The following EPB41L4A variants were observed in gnomAD, a reference collection of about 807,000 sequenced individuals.
EPB41L4A encodes band 4.1-like protein 4A.
A neutral mutation model predicts 108.6 loss-of-function variants in EPB41L4A; 100 were observed. The observed-to-expected ratio is 0.92, with a 90% CI of 0.78 to 1.09. The LOEUF is 1.09. EPB41L4A is among the 50% of genes least tolerant of loss of function. The pLI is 0.00. For missense variants in EPB41L4A, 1,030 were observed against 842.7 expected (o/e 1.22, Z -2.75); for synonymous variants, 319 against 289.0 (o/e 1.10, Z -1.05).
In EPB41L4A at chr5:112,164,397, T is replaced by C. The variant is rs1760101415; in HGVS notation, c.*593A>G. The C allele has an allele frequency of 6.6e-6, 1 of 152,206 alleles. No homozygotes were observed. Among genetic ancestry groups the C allele is most frequent in the East Asian group, 1.9e-4 (1 of 5,200 alleles). 9.4% of individuals were successfully genotyped at this position (152,206 alleles called of 1,614,324 possible). On this transcript the variant is annotated 3_prime_UTR_variant, in exon 23 of 23. Coordinates refer to ENST00000261486, the MANE Select transcript of EPB41L4A (RefSeq NM_022140.5). ...GCTGCAGTTCAGAATTCCAGAATGT[T>C]CATCAGATGCATCTGGTCTTGGTTG...
chr5:112,415,075 A>G (rs73218321), intron 1 of EPB41L4A, among the ~76,000 whole-genome samples: 8,432 of 152,196 alleles, frequency 0.055, 725 homozygotes, highest in African/African-American at 0.18. Context: ...TTTTTTCCCA[A>G]TCTTCTGGGA....
intron 9 of EPB41L4A, among the ~76,000 whole-genome samples, chr5:112,246,044 G>A (rs567300321): frequency 6.6e-6 from 1 of 152,302 alleles, no homozygotes; most frequent in African/African-American, 2.4e-5. Flanking sequence ...TTCAGAAAGT[G>A]TTTTCCTTAG....
chr5:112,378,338 C>G (rs1339141883), intron 1 of EPB41L4A, among the ~76,000 whole-genome samples: 1 of 152,126 alleles, frequency 6.6e-6, no homozygotes, highest in Non-Finnish European at 1.5e-5. Context: ...TTACCTAGAG[C>G]AGAGAGTAGT....
intron 12 of EPB41L4A, among the ~76,000 whole-genome samples, chr5:112,233,193 A>G (rs1285862956): frequency 6.6e-6 from 1 of 152,242 alleles, no homozygotes; most frequent in East Asian, 1.9e-4. Flanking sequence ...AAAAAAAGAC[A>G]TACTATGATC....
chr5:112,378,791 T>C (rs567144909), intron 1 of EPB41L4A, among the ~76,000 whole-genome samples: 3 of 152,332 alleles, frequency 2.0e-5, no homozygotes, highest in African/African-American at 7.2e-5. Flanking sequence ...CAACTGAACA[T>C]ACAGTCGTTA....
rs560707935 is a variant in EPB41L4A at position 112,379,130 on chromosome 5, G to T, written c.99+39811C>A. Among the ~76,000 whole-genome samples, 4 of 152,250 alleles carry T rather than the reference G, an allele frequency of 2.6e-5. No individual in the cohort carries two copies. In the South Asian group the frequency reaches 8.3e-4, roughly 32 times the overall value. The stretch of plus-strand genomic sequence containing the variant: ...CTCATTCCAAGAGGCGAGCACCCTG[G>T]GGGGGTCAAGCTAGCCCACTGGCTT... On this transcript the variant is annotated intron_variant, in intron 1 of 22. Transcript: ENST00000261486.
chr5:112,288,018 C>G (rs1291157959), intron 2 of EPB41L4A, among the ~76,000 whole-genome samples: 2 of 152,150 alleles, frequency 1.3e-5, no homozygotes, highest in East Asian at 1.9e-4. Flanking sequence ...CTAGTCCTAT[C>G]AGAAGGCAAA....
chr5:112,264,807 G>T, intron 6 of EPB41L4A, 89 bp downstream of exon 6: 4 of 1,320,954 alleles, frequency 3.0e-6, no homozygotes, highest in Non-Finnish European at 4.1e-6. Context: ...CACAGGTGAA[G>T]AATTTATCAT....
chr5:112,391,624 T>C (rs551896005), intron 1 of EPB41L4A, among the ~76,000 whole-genome samples: 8 of 152,166 alleles, frequency 5.3e-5, no homozygotes, highest in Admixed American at 1.3e-4. Flanking sequence ...CTGAAAGCGA[T>C]GGGGAGAATG....
chr5:112,389,644 G>A (rs1220102557), intron 1 of EPB41L4A, among the ~76,000 whole-genome samples: 3 of 152,066 alleles, frequency 2.0e-5, no homozygotes, highest in African/African-American at 7.2e-5. Context: ...TGTTGTTTCT[G>A]CCTTCTTTAG....
Position 112,225,503 on chromosome 5 carries a change from T to G in EPB41L4A, c.1087+9131A>C, listed in dbSNP as rs568877763. 1.1e-4 allele frequency among the ~76,000 whole-genome samples: 17 copies of G among 152,362 alleles called. No homozygotes were observed. The South Asian group carries it at 3.5e-3, about 32-fold the overall frequency. On this transcript the variant is annotated intron_variant, in intron 12 of 22. Coordinates refer to ENST00000261486, the MANE Select transcript of EPB41L4A (RefSeq NM_022140.5). ...TGTGGATGAGCATTTGTGAACTTCA[T>G]GCATTCATGACAGTAATCTGTAGGG...
At chr5:112,318,677 T>C (rs1367715591) in intron 1 of EPB41L4A, among the ~76,000 whole-genome samples, 1 of 152,216 alleles carries the variant, frequency 6.6e-6, no homozygotes, top group Non-Finnish European at 1.5e-5. Context: ...TAATAGCTGC[T>C]GTTTCAAGCC....
chr5:112,307,745 G>A (rs1754790374), intron 1 of EPB41L4A, among the ~76,000 whole-genome samples: 1 of 151,776 alleles, frequency 6.6e-6, no homozygotes, highest in South Asian at 2.1e-4. Flanking sequence ...TCTTTCTTCT[G>A]GGATTATAAA....
At chr5:112,201,883 A>G (rs1269797081) in intron 15 of EPB41L4A, among the ~76,000 whole-genome samples, 2 of 152,182 alleles carry the variant, frequency 1.3e-5, no homozygotes, top group African/African-American at 4.8e-5. Flanking sequence ...GCCACAGAGG[A>G]CAAGCTACCA....
At chr5:112,204,650 G>T in intron 14 of EPB41L4A, 162 bp from the exon 15 acceptor site, 2 of 477,976 alleles carry the variant, frequency 4.2e-6, no homozygotes, top group Non-Finnish European at 7.6e-6. Context: ...AAAGAAAAGA[G>T]GTAAGATCTG....
intron 15 of EPB41L4A, among the ~76,000 whole-genome samples, chr5:112,198,840 T>A (rs1015888849): frequency 6.5e-5 from 9 of 138,998 alleles, no homozygotes; most frequent in African/African-American, 2.2e-4. Context: ...TTATATTTTT[T>A]CATCTTTCTA....
chr5:112,177,312 T>G (rs1760917926), intron 18 of EPB41L4A, among the ~76,000 whole-genome samples: 1 of 152,202 alleles, frequency 6.6e-6, no homozygotes, highest in Non-Finnish European at 1.5e-5. Context: ...CAACAGCAGG[T>G]TGAGTCCGTT....
In EPB41L4A at chr5:112,206,593, G is replaced by A. The variant is rs867081931; in HGVS notation, c.1179-1089C>T. 2.0e-5 allele frequency among the ~76,000 whole-genome samples: 3 copies of A among 152,146 alleles called. No individual in the cohort carries two copies. In the South Asian group the frequency reaches 6.2e-4, roughly 32 times the overall value. On this transcript the variant is annotated intron_variant, in intron 13 of 22. Coordinates refer to ENST00000261486, the MANE Select transcript of EPB41L4A (RefSeq NM_022140.5). ...AATATGGCAGATATTTAATACGATA[G>A]TAGAAAGTGTATGGGATCAATAAAT...
rs1580350065 is a variant in EPB41L4A, at chr5:112,165,270, C to T, written c.1933-152G>A. 8.4e-6 allele frequency: 5 copies of T among 598,684 alleles called. No individual in the cohort carries two copies. In the East Asian group the frequency reaches 1.4e-4, roughly 17 times the overall value. The allele number at this position is 598,684 out of a possible 1,614,324, so 37.1% of individuals were successfully genotyped here. A position where few individuals can be genotyped will look rare whatever the true frequency, so the allele number is the denominator to read the frequency against. On this transcript the variant is annotated intron_variant, in intron 22 of 22. Coordinates refer to ENST00000261486, the MANE Select transcript of EPB41L4A (RefSeq NM_022140.5). ...CCAAAAGCTATTCAATAAATGTTCCCTCTAAATAGCTGTGCAAAATAAAGT... is the reference window on the plus strand; with the variant it reads ...CCAAAAGCTATTCAATAAATGTTCCTTCTAAATAGCTGTGCAAAATAAAGT...
Sources: allele counts gnomAD v4.1 joint callset (sites outside exome capture counted in the v4.1 genomes callset), GRCh38; gene constraint gnomAD v4.1.1; transcripts MANE v1.5; gene names NCBI Gene and HGNC (gene_info 2026-07-23, HGNC 2026-07-21).